The following BRAF variants were observed in gnomAD, a reference collection of about 807,000 sequenced individuals.
BRAF encodes the protein serine/threonine-protein kinase B-raf.
BRAF carries 16 observed loss-of-function variants against 104.6 expected under a neutral mutation model. The observed-to-expected ratio is 0.15, with a 90% CI of 0.10 to 0.23. BRAF has a LOEUF of 0.23. Among genes scored for constraint, BRAF ranks in the 10% least tolerant of loss-of-function variants. BRAF has a pLI of 1.00. For synonymous variants in BRAF, 310 were observed against 341.6 expected, an observed-to-expected ratio of 0.91 and a Z score of 1.02; for missense variants, 541 against 937.3, an observed-to-expected ratio of 0.58 and a Z score of 5.52.
intron 18 of BRAF, among the ~76,000 whole-genome samples, chr7:140,736,737 C>A (rs1796478019): frequency 6.7e-6 from 1 of 150,308 alleles, no homozygotes; most frequent in Non-Finnish European, 1.5e-5. Flanking sequence ...TCTGTTTAAC[C>A]TTTTAAAGTG....
intron 1 of BRAF, among the ~76,000 whole-genome samples, chr7:140,887,373 C>T (rs2129111030): frequency 6.6e-6 from 1 of 152,310 alleles, no homozygotes; most frequent in East Asian, 1.9e-4. Flanking sequence ...AATGAACATT[C>T]ATTCTCTAAT....
intron 17 of BRAF, among the ~76,000 whole-genome samples, chr7:140,742,885 A>C (rs1030964209): frequency 6.6e-6 from 1 of 151,848 alleles, no homozygotes; most frequent in Admixed American, 6.5e-5. Flanking sequence ...AGAAAAAAAC[A>C]AACAACCCCA....
Position 140,785,012 on chromosome 7 carries a change from GA to G in BRAF, c.1297+676del, listed in dbSNP as rs1398700199. On this transcript the variant is annotated intron_variant, in intron 10 of 19. Coordinates refer to ENST00000644969, the MANE Select transcript of BRAF (RefSeq NM_001374258.1). ...ACATGGCAAGATGAAATGGGAGAATGAAATTATACTGTAAACTTTCTTCTAT... is the reference window on the plus strand; with the variant it reads ...ACATGGCAAGATGAAATGGGAGAATGAATTATACTGTAAACTTTCTTCTAT... Among the ~76,000 whole-genome samples, 81 of 152,256 alleles carry G rather than the reference GA, an allele frequency of 5.3e-4. 1 individual carries two copies. Among genetic ancestry groups the G allele is most frequent in the Admixed American group, 7.2e-4 (11 of 15,292 alleles).
At chr7:140,861,534 T>C (rs1379054450) in intron 1 of BRAF, among the ~76,000 whole-genome samples, 1 of 152,188 alleles carries the variant, frequency 6.6e-6, no homozygotes, top group Admixed American at 6.5e-5. Context: ...GAATCTGCCT[T>C]AAAGGGTTGG....
At chr7:140,866,981 A>C (rs1811035602) in intron 1 of BRAF, among the ~76,000 whole-genome samples, 1 of 152,224 alleles carries the variant, frequency 6.6e-6, no homozygotes, top group Non-Finnish European at 1.5e-5. Context: ...TCCCTTTGAA[A>C]AAATAGTTTT....
chr7:140,825,262 C>G (rs966956464), intron 3 of BRAF, among the ~76,000 whole-genome samples: 2 of 152,160 alleles, frequency 1.3e-5, no homozygotes, highest in Admixed American at 1.3e-4. Flanking sequence ...GCCTCCGCAC[C>G]CAGCCATTTG....
At chr7:140,908,553 A>G (rs924195864) in intron 1 of BRAF, among the ~76,000 whole-genome samples, 4 of 152,110 alleles carry the variant, frequency 2.6e-5, no homozygotes, top group African/African-American at 9.7e-5. Context: ...GGGTCCCTGG[A>G]CCACCCAGAC....
At chr7:140,758,922 C>T (rs545001925) in intron 14 of BRAF, among the ~76,000 whole-genome samples, 1 of 152,146 alleles carries the variant, frequency 6.6e-6, no homozygotes, top group African/African-American at 2.4e-5. Flanking sequence ...TACATTTTTG[C>T]GATTAGTAAC....
intron 1 of BRAF, among the ~76,000 whole-genome samples, chr7:140,854,413 T>C (rs1809538523): frequency 6.6e-6 from 1 of 152,112 alleles, no homozygotes; most frequent in Admixed American, 6.6e-5. Flanking sequence ...CAGAATAGGG[T>C]AGGAAAGAAA....
intron 3 of BRAF, among the ~76,000 whole-genome samples, chr7:140,829,500 T>C (rs1036845331): frequency 2.0e-5 from 3 of 152,144 alleles, no homozygotes; most frequent in Non-Finnish European, 4.4e-5. Context: ...ATTTTTTTCA[T>C]ATTACATTTT....
chr7:140,904,197 C>G (rs576750120), intron 1 of BRAF, among the ~76,000 whole-genome samples: 5 of 152,280 alleles, frequency 3.3e-5, no homozygotes, highest in Admixed American at 1.3e-4. Context: ...CAACTGATGT[C>G]GCAAACCTCA....
Position 140,834,768 on chromosome 7 carries a change from T to A in BRAF, c.345A>T (p.Ala115=), listed in dbSNP as rs149547328. ...NGTDFSVSSS[A]SMDTVTSSSS... ...AAGAAGATGTAACGGTATCCATTGATGCAGAGCTAGAAACAGAAAAATCAG... is the reference window on the plus strand; with the variant it reads ...AAGAAGATGTAACGGTATCCATTGAAGCAGAGCTAGAAACAGAAAAATCAG... The change falls in exon 3 of 20, where the codon GCA becomes GCT. Residue 115 remains alanine (A), a synonymous_variant. Coordinates refer to ENST00000644969, the MANE Select transcript of BRAF (RefSeq NM_001374258.1). 2.0e-5 allele frequency: 33 copies of A among 1,614,194 alleles called. No individual in the cohort carries two copies. Among genetic ancestry groups the A allele is most frequent in the Non-Finnish European group, 2.7e-5 (32 of 1,180,010 alleles).
intron 19 of BRAF, chr7:140,734,418 A>C: frequency 6.7e-7 from 1 of 1,497,264 alleles, no homozygotes. Context: ...TTAAAAATCC[A>C]ATGTTAAGTA....
chr7:140,807,780 T>C (rs1200787582), intron 5 of BRAF, among the ~76,000 whole-genome samples, 180 bp downstream of exon 5: 1 of 152,138 alleles, frequency 6.6e-6, no homozygotes, highest in African/African-American at 2.4e-5. Context: ...AAAGAAAGTA[T>C]AAAGATTAAA....
At chr7:140,838,383 T>C (rs1333018173) in intron 2 of BRAF, among the ~76,000 whole-genome samples, 1 of 152,164 alleles carries the variant, frequency 6.6e-6, no homozygotes, top group East Asian at 1.9e-4. Flanking sequence ...CAATAAATAT[T>C]TGTATTAGTA....
intron 2 of BRAF, chr7:140,835,895 T>C (rs546709845): frequency 1.2e-4 from 19 of 152,330 alleles, no homozygotes; most frequent in African/African-American, 4.3e-4. Context: ...AAAATGGCCT[T>C]TCCCGTCTCT....
At chr7:140,770,731 T>G (rs1193507678) in intron 14 of BRAF, among the ~76,000 whole-genome samples, 1 of 151,122 alleles carries the variant, frequency 6.6e-6, no homozygotes, top group Middle Eastern at 3.2e-3. Flanking sequence ...AGGTCAGGAG[T>G]TCAAGACCAG....
intron 1 of BRAF, among the ~76,000 whole-genome samples, chr7:140,866,824 A>G (rs1349985125): frequency 6.6e-6 from 1 of 152,124 alleles, no homozygotes; most frequent in Admixed American, 6.6e-5. Context: ...ATGTATGCTC[A>G]CTAGTTTTAT....
intron 2 of BRAF, among the ~76,000 whole-genome samples, chr7:140,847,577 T>C (rs1307223611): frequency 4.6e-5 from 7 of 151,118 alleles, no homozygotes; most frequent in African/African-American, 9.7e-5. Flanking sequence ...CAAGATTCCA[T>C]CTCAGGAGGA....
Sources: gnomAD v4.1 joint callset for allele counts (sites outside exome capture counted in the v4.1 genomes callset) on GRCh38, gnomAD v4.1.1 for gene constraint, MANE v1.5 for transcripts, NCBI Gene and HGNC (gene_info 2026-07-23, HGNC 2026-07-21) for gene names.